SOD2: variants seen among roughly 807,000 people sequenced by gnomAD.
The protein encoded by SOD2 is superoxide dismutase [Mn], mitochondrial.
In SOD2, 11 loss-of-function variants were observed where a neutral mutation model predicts 27.0. That is an observed-to-expected ratio of 0.41 (90% CI 0.26 to 0.67). The LOEUF (loss-of-function observed/expected upper bound fraction) is 0.67, where lower values mean the gene tolerates loss of function less well. SOD2 is among the 30% of genes least tolerant of loss of function. The probability of loss-of-function intolerance (pLI) is 0.34; values close to 1 mark genes in which losing one functional copy is unlikely to be tolerated. For synonymous variants in SOD2, 105 were observed against 103.0 expected (o/e 1.02, Z -0.12); for missense variants, 250 against 274.5 (o/e 0.91, Z 0.63).
chr6:159,761,908 G>GC lies in SOD2; in HGVS notation c.-1208dup, dbSNP rs984546141. The stretch of plus-strand genomic sequence containing the variant: ...CCCCGCGCCCCGCGCGCCTCCGCCC[G>GC]CCCCTGCTCCGGCCTTGCGCCTGCG... On this transcript the variant is annotated 5_prime_UTR_variant, in exon 1 of 8. Coordinates refer to the SOD2 transcript ENST00000546087. 2.0e-4 allele frequency: 96 copies of GC among 488,054 alleles called. 1 individual carries two copies. Among genetic ancestry groups the GC allele is most frequent in the African/African-American group, 1.8e-3 (89 of 48,596 alleles). 30.2% of individuals were successfully genotyped at this position (488,054 alleles called of 1,614,324 possible).
intron 1 of SOD2, among the ~76,000 whole-genome samples, chr6:159,738,317 A>G (rs888492250): frequency 1.3e-5 from 2 of 152,230 alleles, no homozygotes; most frequent in South Asian, 2.1e-4. Flanking sequence ...AGTGTTATAT[A>G]AATGTAATCA....
Position 159,669,207 on chromosome 6 carries a change from C to T in SOD2, c.*13286G>A, listed in dbSNP as rs1020018755. On this transcript the variant is annotated 3_prime_UTR_variant, in exon 5 of 5. Transcript: ENST00000538183. ...CACTGTGGTGGAAAGAACACTAAGG[C>T]AGGAAGTGGGTTCCAGAACTAGTCT... is the stretch of plus-strand genomic sequence containing the variant. 6.6e-6 allele frequency: 1 copy of T among 152,170 alleles called. No individual in the cohort carries two copies. Among genetic ancestry groups the T allele is most frequent in the African/African-American group, 2.4e-5 (1 of 41,442 alleles). 9.4% of individuals were successfully genotyped at this position (152,170 alleles called of 1,614,324 possible).
intron 1 of SOD2, among the ~76,000 whole-genome samples, chr6:159,705,559 G>C (rs1227981534): frequency 6.6e-6 from 1 of 152,156 alleles, no homozygotes; most frequent in African/African-American, 2.4e-5. Flanking sequence ...AGCAAGAAGA[G>C]AAGTTAAGAG....
chr6:159,722,010 T>C (rs2114839605), intron 1 of SOD2, among the ~76,000 whole-genome samples: 1 of 151,704 alleles, frequency 6.6e-6, no homozygotes, highest in South Asian at 2.1e-4. Context: ...TTAGCTGGCA[T>C]CCTATAGTAA....
chr6:159,744,617 A>G (rs1779459425), intron 1 of SOD2, among the ~76,000 whole-genome samples: 1 of 152,218 alleles, frequency 6.6e-6, no homozygotes, highest in Non-Finnish European at 1.5e-5. Flanking sequence ...ATTTCCACAA[A>G]AGCACGTATT....
chr6:159,684,907 C>A lies in SOD2; in HGVS notation c.470G>T (p.Gly157Val). Residue 157 changes from glycine (G) to valine (V), a missense_variant, in exon 4 of 5, where the codon GGA becomes GTA. Transcript: ENST00000538183. Reference sequence around the variant, plus strand: ...TGGACAAGCAGCAATTTGTAAGTGTCCCCGTTCCTTATTGAAACCAAGCCA... The same window carrying A: ...TGGACAAGCAGCAATTTGTAAGTGTACCCGTTCCTTATTGAAACCAAGCCA... ...WGWLGFNKER[G>V]HLQIAACPNQ... is the part of the protein sequence containing the mutation. 1 of 1,613,616 alleles carries A rather than the reference C, an allele frequency of 6.2e-7. No individual in the cohort carries two copies.
chr6:159,672,261 G>A lies in SOD2; in HGVS notation c.*10232C>T, dbSNP rs554496786. ...AGAGAACGCCACAAAGATACTCCTC[G>A]AGAAGAGCAACTCCAAGACACATAA... On this transcript the variant is annotated 3_prime_UTR_variant, in exon 5 of 5. Transcript: ENST00000538183. The A allele has an allele frequency of 1.2e-4, 18 of 152,190 alleles. No individual in the cohort carries two copies. The highest frequency in any genetic ancestry group is 4.2e-4 in the South Asian group (2 of 4,816). The allele number at this position is 152,190 out of a possible 1,614,324, so 9.4% of individuals were successfully genotyped here. A position where few individuals can be genotyped will look rare whatever the true frequency, so the allele number is the denominator to read the frequency against.
intron 1 of SOD2, among the ~76,000 whole-genome samples, chr6:159,717,842 T>G (rs1211639093): frequency 6.6e-6 from 1 of 152,116 alleles, no homozygotes; most frequent in Non-Finnish European, 1.5e-5. Flanking sequence ...CTTATTTCAC[T>G]TAATATAATG....
intron 1 of SOD2, among the ~76,000 whole-genome samples, chr6:159,719,289 C>A (rs1266323643): frequency 6.6e-6 from 1 of 152,066 alleles, no homozygotes; most frequent in Non-Finnish European, 1.5e-5. Context: ...CTTTGGGAGG[C>A]AGAGGCAGGT....
At position 159,682,654 on chromosome 6, in the gene SOD2, G is replaced by C; in HGVS notation, c.524-16C>G. On this transcript the variant is annotated splice_polypyrimidine_tract_variant and intron_variant, in intron 4 of 4. Transcript: ENST00000538183. Reference sequence around the variant, plus strand: ...GGAATAAGGCCTGTTAGAAAGAAGGGGAAAACAAACCAACCATCAGTTTCA... The same window carrying C: ...GGAATAAGGCCTGTTAGAAAGAAGGCGAAAACAAACCAACCATCAGTTTCA... 1 of 1,595,684 alleles carries C rather than the reference G, an allele frequency of 6.3e-7. No homozygotes were observed. The highest frequency in any genetic ancestry group is 1.7e-4 in the Middle Eastern group (1 of 5,992).
intron 1 of SOD2, chr6:159,755,766 T>TTTG (rs2114963809): frequency 6.5e-6 from 1 of 154,540 alleles, no homozygotes; most frequent in African/African-American, 5.6e-5. Flanking sequence ...TTTTCTTTTC[T>TTTG]TTTTTTTTTT....
At chr6:159,704,328 A>G (rs1044574032) in intron 1 of SOD2, among the ~76,000 whole-genome samples, 2 of 152,228 alleles carry the variant, frequency 1.3e-5, no homozygotes, top group Non-Finnish European at 2.9e-5. Flanking sequence ...AGGGCCAGGC[A>G]TCGCCTCACC....
At chr6:159,685,764 C>G (rs1780161073) in intron 3 of SOD2, among the ~76,000 whole-genome samples, 1 of 151,962 alleles carries the variant, frequency 6.6e-6, no homozygotes, top group South Asian at 2.1e-4. Flanking sequence ...CTTCCACTTG[C>G]AAGTGAGACA....
chr6:159,706,202 G>T (rs536598156), intron 1 of SOD2, among the ~76,000 whole-genome samples: 3 of 152,182 alleles, frequency 2.0e-5, no homozygotes, highest in Non-Finnish European at 4.4e-5. Context: ...GGAAGAAACT[G>T]CATCAACTAA....
chr6:159,719,445 T>G (rs1184795281), intron 1 of SOD2, among the ~76,000 whole-genome samples: 3 of 151,868 alleles, frequency 2.0e-5, no homozygotes. Flanking sequence ...GGAAAATCGC[T>G]TGAACCAAGG....
Position 159,720,923 on chromosome 6 carries a change from C to G in SOD2, c.-116+6206G>C, listed in dbSNP as rs1778026165. On this transcript the variant is annotated intron_variant, in intron 1 of 2. Transcript: ENST00000401980. ...CCAGGCTGTAGTGCAATGGCGCGAT[C>G]TCGGCTCAGTGCAACCTCTGCTCCT... Among the ~76,000 whole-genome samples the G allele has an allele frequency of 8.5e-5, 11 of 128,666 alleles. 1 individual carries two copies. The South Asian group carries it at 2.8e-3, about 33-fold the overall frequency. The allele number at this position is 128,666 out of a possible 152,430, so 84.4% of individuals were successfully genotyped here. A position where few individuals can be genotyped will look rare whatever the true frequency, so the allele number is the denominator to read the frequency against.
chr6:159,753,991 C>T (rs937549501), intron 1 of SOD2, among the ~76,000 whole-genome samples: 5 of 152,098 alleles, frequency 3.3e-5, no homozygotes, highest in East Asian at 1.9e-4. Context: ...CAGTTTTCAG[C>T]GATCTGAAAG....
chr6:159,715,562 A>G (rs1267476090), intron 1 of SOD2, among the ~76,000 whole-genome samples: 1 of 152,214 alleles, frequency 6.6e-6, no homozygotes, highest in African/African-American at 2.4e-5. Flanking sequence ...AAGGTTAAAC[A>G]CTATTAGCAA....
At chr6:159,751,759 A>G (rs763271975) in intron 1 of SOD2, among the ~76,000 whole-genome samples, 75 of 152,332 alleles carry the variant, frequency 4.9e-4, no homozygotes, top group Non-Finnish European at 1.0e-3. Context: ...TCCTTGAATT[A>G]CATTAGGTTA....
Sources: allele counts gnomAD v4.1 joint callset (sites outside exome capture counted in the v4.1 genomes callset), GRCh38; gene constraint gnomAD v4.1.1; transcripts MANE v1.5; gene names NCBI Gene and HGNC (gene_info 2026-07-23, HGNC 2026-07-21).